KHDRBS2: variants seen among roughly 807,000 people sequenced by gnomAD.
The protein encoded by KHDRBS2 is KH domain-containing, RNA-binding, signal transduction-associated protein 2.
A neutral mutation model predicts 44.3 loss-of-function variants in KHDRBS2; 26 were observed. The ratio of observed to expected loss-of-function variants is 0.59; its 90% CI spans 0.43 to 0.81. The LOEUF (loss-of-function observed/expected upper bound fraction) is 0.81. Ranked by LOEUF, KHDRBS2 falls within the 40% of genes least tolerant of loss-of-function variation. The pLI is 0.00. For synonymous variants in KHDRBS2, 194 were observed against 151.1 expected (o/e 1.28, Z -2.08); for missense variants, 476 against 433.1 (o/e 1.10, Z -0.88).
At chr6:61,947,987 T>C (rs1763949563) in intron 4 of KHDRBS2, among the ~76,000 whole-genome samples, 3 of 150,854 alleles carry the variant, frequency 2.0e-5, no homozygotes, top group African/African-American at 4.9e-5. Flanking sequence ...AACATGAAGT[T>C]CAGGAGAGCT....
chr6:61,901,174 T>C, intron 5 of KHDRBS2, 70 bp downstream of exon 5: 1 of 1,462,242 alleles, frequency 6.8e-7, no homozygotes, highest in Non-Finnish European at 9.4e-7. Context: ...CTAGTGATAA[T>C]CATGACATAA....
rs116692563 is a variant in KHDRBS2 at position 61,939,908 on chromosome 6, A to G, written c.483+38158T>C. Among the ~76,000 whole-genome samples the G allele has an allele frequency of 2.5e-3, 376 of 152,264 alleles. 3 individuals are homozygous for G. Among genetic ancestry groups the G allele is most frequent in the African/African-American group, 8.4e-3 (350 of 41,548 alleles). On this transcript the variant is annotated intron_variant, in intron 4 of 8. Coordinates refer to ENST00000281156, the MANE Select transcript of KHDRBS2 (RefSeq NM_152688.4). ...TTTCCTAGTATACACATTAGAGCAG[A>G]ATGTTTTGTTCTTCTGATATTCAAT...
intron 2 of KHDRBS2, among the ~76,000 whole-genome samples, chr6:62,107,673 A>G (rs1803801473): frequency 6.6e-6 from 1 of 152,216 alleles, no homozygotes; most frequent in African/African-American, 2.4e-5. Flanking sequence ...TGGAGGCATC[A>G]TGCTACCTGA....
chr6:61,726,093 A>C (rs1422487707), intron 7 of KHDRBS2, among the ~76,000 whole-genome samples: 1 of 152,132 alleles, frequency 6.6e-6, no homozygotes, highest in African/African-American at 2.4e-5. Context: ...CAAAAAACTT[A>C]TTTAACATGA....
At chr6:61,813,007 G>T (rs1788368885) in intron 6 of KHDRBS2, among the ~76,000 whole-genome samples, 1 of 151,904 alleles carries the variant, frequency 6.6e-6, no homozygotes, top group African/African-American at 2.4e-5. Context: ...AACATAGTTT[G>T]CAACAAATAA....
chr6:61,781,522 C>A (rs1227478454), intron 6 of KHDRBS2, among the ~76,000 whole-genome samples: 1 of 152,134 alleles, frequency 6.6e-6, no homozygotes, highest in Non-Finnish European at 1.5e-5. Flanking sequence ...AGCATTTCCC[C>A]ATTAGAAATC....
chr6:61,545,416 GC>G, the KHDRBS2 span, among the ~76,000 whole-genome samples: 3 of 151,876 alleles, frequency 2.0e-5, no homozygotes, highest in Non-Finnish European at 2.9e-5. Context: ...TTCAACATGT[GC>G]TTTTGACATA....
At chr6:62,165,547 A>G (rs1406164375) in intron 2 of KHDRBS2, among the ~76,000 whole-genome samples, 2 of 151,914 alleles carry the variant, frequency 1.3e-5, no homozygotes, top group African/African-American at 4.8e-5. Context: ...AACTAAATCA[A>G]TCTTGCATTC....
intron 6 of KHDRBS2, among the ~76,000 whole-genome samples, chr6:61,886,165 C>A (rs568963297): frequency 6.6e-6 from 1 of 152,238 alleles, no homozygotes; most frequent in South Asian, 2.1e-4. Context: ...CTCAGGTTGC[C>A]TTCTGCTGTG....
the KHDRBS2 span, chr6:61,630,193 A>C: frequency 6.6e-6 from 1 of 152,194 alleles, no homozygotes; most frequent in African/African-American, 2.4e-5. Flanking sequence ...TATTGAGCTA[A>C]AGAGAAATGA....
At chr6:61,570,577 G>T in the KHDRBS2 span, among the ~76,000 whole-genome samples, 1 of 151,950 alleles carries the variant, frequency 6.6e-6, no homozygotes, top group Non-Finnish European at 1.5e-5. Flanking sequence ...AGAACACCTG[G>T]CAAATTCATC....
intron 6 of KHDRBS2, among the ~76,000 whole-genome samples, chr6:61,852,181 C>T (rs1795525187): frequency 6.6e-6 from 1 of 151,772 alleles, no homozygotes; most frequent in Non-Finnish European, 1.5e-5. Flanking sequence ...GAGATCATGC[C>T]ACTGTACTCC....
the KHDRBS2 span, among the ~76,000 whole-genome samples, chr6:61,598,798 A>G: frequency 6.7e-6 from 1 of 150,220 alleles, no homozygotes; most frequent in African/African-American, 2.4e-5. Context: ...GCCAAATTCT[A>G]AACTCTAGAA....
chr6:61,737,176 C>T (rs1274784683), intron 6 of KHDRBS2, among the ~76,000 whole-genome samples: 2 of 151,888 alleles, frequency 1.3e-5, no homozygotes, highest in Non-Finnish European at 2.9e-5. Context: ...CTATTTGGCC[C>T]AGGAAGATTA....
In KHDRBS2 at chr6:61,732,725, T is replaced by C. The variant is rs1471904267; in HGVS notation, c.850A>G (p.Thr284Ala). The C allele has an allele frequency of 1.2e-5, 20 of 1,612,360 alleles. No homozygotes were observed. Among genetic ancestry groups the C allele is most frequent in the Non-Finnish European group, 1.6e-5 (19 of 1,178,508 alleles). Residue 284 changes from threonine (T) to alanine (A), a missense_variant, in exon 7 of 9, where the codon ACC becomes GCC. Thr to Ala is a moderately conservative substitution (Grantham distance 58). Coordinates refer to ENST00000281156, the MANE Select transcript of KHDRBS2 (RefSeq NM_152688.4). ...TAGCTGTTATCATAAGTCTCATAGG[T>C]CTGGTCATCATATTCACCCCCGTAG... ...DGYGGEYDDQ[T>A]YETYDNSYAT...
At chr6:62,103,010 G>A (rs945308803) in intron 2 of KHDRBS2, among the ~76,000 whole-genome samples, 1 of 152,136 alleles carries the variant, frequency 6.6e-6, no homozygotes, top group Non-Finnish European at 1.5e-5. Context: ...AGTTGTACCT[G>A]ATTCTGACTG....
chr6:61,934,134 T>G (rs957931803), intron 4 of KHDRBS2, among the ~76,000 whole-genome samples: 1 of 152,142 alleles, frequency 6.6e-6, no homozygotes, highest in African/African-American at 2.4e-5. Flanking sequence ...CATTTTTTAA[T>G]GTGAGTTATT....
rs34922019 is a variant in KHDRBS2 at position 61,895,319 on chromosome 6, C to CA, written c.612-487dup. ...AGTGATGGACAATGCTGTCATTTAC[C>CA]AAAAAAAAAGGTGGCTGCACTTAAA... On this transcript the variant is annotated intron_variant, in intron 5 of 8. Transcript: ENST00000281156. Among the ~76,000 whole-genome samples, 45 of 149,878 alleles carry CA rather than the reference C, an allele frequency of 3.0e-4. 1 individual carries two copies. The highest frequency in any genetic ancestry group is 2.3e-3 in the South Asian group (11 of 4,738).
At chr6:61,843,341 TTTATTA>T (rs70993183) in intron 6 of KHDRBS2, among the ~76,000 whole-genome samples, 12,170 of 143,282 alleles carry the variant, frequency 0.085, 660 homozygotes, top group African/African-American at 0.14. Flanking sequence ...TTATATCTAT[TTTATTA>T]TTATTATTAT....
Sources: gnomAD v4.1 joint callset for allele counts (sites outside exome capture counted in the v4.1 genomes callset) on GRCh38, gnomAD v4.1.1 for gene constraint, MANE v1.5 for transcripts, NCBI Gene and HGNC (gene_info 2026-07-23, HGNC 2026-07-21) for gene names.